NPFFR1: variants seen among roughly 807,000 people sequenced by gnomAD.
NPFFR1 encodes neuropeptide FF receptor 1.
In NPFFR1, 17 loss-of-function variants were observed where a neutral mutation model predicts 12.7. The observed-to-expected ratio is 1.34, with a 90% confidence interval of 0.92 to 2.01. The LOEUF (loss-of-function observed/expected upper bound fraction) is 2.01, where lower values mean the gene tolerates loss of function less well. Ranked by LOEUF, NPFFR1 falls within the 30% of genes most tolerant of loss-of-function variation. The pLI is 0.00. For synonymous variants in NPFFR1, 296 were observed against 264.5 expected (o/e 1.12, Z -1.16); for missense variants, 604 against 606.5 (o/e 1.00, Z 0.04).
At chr10:70,282,879 G>A (rs532458739) in intron 1 of NPFFR1, among the ~76,000 whole-genome samples, 4 of 152,238 alleles carry the variant, frequency 2.6e-5, no homozygotes, top group African/African-American at 9.6e-5. Context: ...GCCTTGGTCC[G>A]CTATCCCTTA....
intron 3 of NPFFR1, among the ~76,000 whole-genome samples, chr10:70,257,592 G>A (rs1840585094): frequency 6.6e-6 from 1 of 152,230 alleles, no homozygotes; most frequent in South Asian, 2.1e-4. Flanking sequence ...TCTGAAATAT[G>A]GCCTCATGGG....
intron 2 of NPFFR1, among the ~76,000 whole-genome samples, chr10:70,261,804 T>C (rs1218577570): frequency 6.6e-6 from 1 of 152,150 alleles, no homozygotes; most frequent in East Asian, 1.9e-4. Context: ...TTGTTTGAGA[T>C]AGGGTCTCGC....
chr10:70,258,028 A>C (rs536233052), intron 3 of NPFFR1, among the ~76,000 whole-genome samples: 1 of 129,940 alleles, frequency 7.7e-6, no homozygotes, highest in East Asian at 2.5e-4. Context: ...GAAATAATGA[A>C]AATAATAATA....
At position 70,254,869 on chromosome 10, in the gene NPFFR1, C is replaced by T; in HGVS notation, c.*88G>A. On this transcript the variant is annotated 3_prime_UTR_variant, in exon 4 of 4. Coordinates refer to ENST00000277942, the MANE Select transcript of NPFFR1 (RefSeq NM_022146.5). ...TGGAGAGGGAGGGACCACGCATCCT[C>T]ACCTAACCACACCAGGCCGCTATCG... 1.5e-6 allele frequency: 2 copies of T among 1,338,338 alleles called. No individual in the cohort carries two copies. The highest frequency in any genetic ancestry group is 2.0e-4 in the Middle Eastern group (1 of 5,004). 82.9% of individuals were successfully genotyped at this position (1,338,338 alleles called of 1,614,324 possible).
chr10:70,255,538 G>A lies in NPFFR1; in HGVS notation c.712C>T (p.Arg238Cys). The change falls in exon 4 of 4, where the codon CGC becomes TGC. Residue 238 changes from arginine (R) to cysteine (C), a missense_variant. Coordinates refer to ENST00000277942, the MANE Select transcript of NPFFR1 (RefSeq NM_022146.5). The surrounding 1 kb of genome is among the most constrained non-coding windows in gnomAD (Gnocchi z 4.2). ...GCCTGGCAGAGCTTGCGCGCGATGC[G>A]GGCGTACATGACCACGATGAGCGCC... ...PLALIVVMYARIARKLCQAPG... is the reference protein window; with the variant it reads ...PLALIVVMYACIARKLCQAPG... 3 of 1,549,698 alleles carry A rather than the reference G, an allele frequency of 1.9e-6. No individual in the cohort carries two copies. Among genetic ancestry groups the A allele is most frequent in the East Asian group, 2.4e-5 (1 of 40,868 alleles).
At chr10:70,268,975 GA>G (rs752609814) in intron 1 of NPFFR1, among the ~76,000 whole-genome samples, 102 of 152,186 alleles carry the variant, frequency 6.7e-4, no homozygotes, top group Non-Finnish European at 1.2e-3. Context: ...ACGTGATGCT[GA>G]AGTCTCTTTT....
intron 1 of NPFFR1, among the ~76,000 whole-genome samples, chr10:70,273,281 G>A (rs1228058484): frequency 1.3e-5 from 2 of 152,114 alleles, no homozygotes; most frequent in African/African-American, 4.8e-5. Context: ...ATGTGTAGCC[G>A]GATTTGAGAA....
chr10:70,281,964 T>A (rs1840867227), intron 1 of NPFFR1, among the ~76,000 whole-genome samples: 1 of 152,194 alleles, frequency 6.6e-6, no homozygotes, highest in South Asian at 2.1e-4. Flanking sequence ...TTAATAGAGG[T>A]CAAAACTAAT....
chr10:70,255,699 C>A lies in NPFFR1; in HGVS notation c.551G>T (p.Arg184Leu), dbSNP rs761856513. The A allele has an allele frequency of 5.6e-6, 9 of 1,606,502 alleles. No individual in the cohort carries two copies. In the East Asian group the frequency reaches 9.0e-5, roughly 16 times the overall value. ...CPSAVTLTVT[R>L]EEHHFMVDAR... The stretch of plus-strand genomic sequence containing the variant: ...GTCCACCATGAAGTGGTGCTCCTCA[C>A]GGGTGACGGTCAGCGTGACGGCCGA... Residue 184 changes from arginine to leucine, a missense_variant, in exon 4 of 4, where the codon CGT (arginine) becomes CTT (leucine). Physicochemically the swap from Arg to Leu is moderately radical, Grantham distance 102 (BLOSUM62 -2). Transcript: ENST00000277942. This position sits in a 1 kb window ranked among gnomAD's most constrained non-coding sequence, Gnocchi z 4.2.
chr10:70,273,788 T>C (rs1840773949), intron 1 of NPFFR1, among the ~76,000 whole-genome samples: 1 of 152,068 alleles, frequency 6.6e-6, no homozygotes, highest in African/African-American at 2.4e-5. Flanking sequence ...GGATTCCCAG[T>C]GTTGGTTAGG....
At chr10:70,260,833 G>T in intron 2 of NPFFR1, 94 bp from the exon 3 acceptor site, 2 of 1,088,722 alleles carry the variant, frequency 1.8e-6, no homozygotes, top group Non-Finnish European at 2.7e-6. Flanking sequence ...TCTGAGCTTG[G>T]ATCTTTCCTC....
intron 1 of NPFFR1, among the ~76,000 whole-genome samples, chr10:70,266,991 T>C (rs57147717): frequency 0.1 from 15,295 of 152,234 alleles, 888 homozygotes; most frequent in Middle Eastern, 0.17. Context: ...TGGTTGTGAG[T>C]CCCTGGGTGC....
At position 70,252,028 on chromosome 10, in the gene NPFFR1, G is replaced by A. The variant is rs1053042435; in HGVS notation, c.*2929C>T. 2.6e-5 allele frequency: 4 copies of A among 152,216 alleles called. No individual in the cohort carries two copies. Among genetic ancestry groups the A allele is most frequent in the Non-Finnish European group, 5.9e-5 (4 of 68,032 alleles). 9.4% of individuals were successfully genotyped at this position (152,216 alleles called of 1,614,324 possible). ...GGAGAGACCCTGGTTCCCAACCTGG[G>A]GTCTCTGTCCTCAGGATTCACACAG... On this transcript the variant is annotated 3_prime_UTR_variant, in exon 4 of 4. Coordinates refer to ENST00000277942, the MANE Select transcript of NPFFR1 (RefSeq NM_022146.5).
At chr10:70,272,049 G>A (rs1054837024) in intron 1 of NPFFR1, among the ~76,000 whole-genome samples, 2 of 151,616 alleles carry the variant, frequency 1.3e-5, no homozygotes, top group Admixed American at 6.6e-5. Context: ...CCCAGGAGGT[G>A]GAGGTTGCAA....
chr10:70,277,593 C>A (rs181671895), intron 1 of NPFFR1, among the ~76,000 whole-genome samples: 82 of 152,354 alleles, frequency 5.4e-4, no homozygotes, highest in African/African-American at 2.0e-3. Context: ...CCAGTGACCC[C>A]CTTCCGTACA....
In NPFFR1 at chr10:70,283,743, G is replaced by T; in HGVS notation, c.-67C>A. 3 of 1,512,686 alleles carry T rather than the reference G, an allele frequency of 2.0e-6. No individual in the cohort carries two copies. The highest frequency in any genetic ancestry group is 1.2e-5 in the South Asian group (1 of 83,416). 93.7% of individuals were successfully genotyped at this position (1,512,686 alleles called of 1,614,324 possible). A position where few individuals can be genotyped will look rare whatever the true frequency, so the allele number is the denominator to read the frequency against. Reference sequence around the variant, plus strand: ...AGGCAGCGGGCCCCTTCGGGCCAGCGGGCAGAGGGACGGTCTCCGGGCACT... The same window carrying T: ...AGGCAGCGGGCCCCTTCGGGCCAGCTGGCAGAGGGACGGTCTCCGGGCACT... On this transcript the variant is annotated 5_prime_UTR_variant, in exon 1 of 4. Transcript: ENST00000277942.
In NPFFR1 at chr10:70,255,137, C is replaced by T; in HGVS notation, c.1113G>A (p.Arg371=). 1 of 1,526,344 alleles carries T rather than the reference C, an allele frequency of 6.6e-7. No homozygotes were observed. Among genetic ancestry groups the T allele is most frequent in the Non-Finnish European group, 8.8e-7 (1 of 1,138,662 alleles). The allele number at this position is 1,526,344 out of a possible 1,614,324, so 94.6% of individuals were successfully genotyped here. The part of the protein sequence containing the change: ...SERPGGLLHR[R]VFVVVRPSDS... ...CGCTGGGCCGCACCACCACGAAGAC[C>T]CGCCTGTGCAGAAGCCCGCCGGGCC... Residue 371 remains arginine (R), a synonymous_variant, in exon 4 of 4, where the codon CGG becomes CGA. Transcript: ENST00000277942. The surrounding 1 kb of genome is among the most constrained non-coding windows in gnomAD (Gnocchi z 4.2).
chr10:70,270,123 G>T (rs904881776), intron 1 of NPFFR1, among the ~76,000 whole-genome samples: 1 of 152,196 alleles, frequency 6.6e-6, no homozygotes, highest in South Asian at 2.1e-4. Flanking sequence ...CTTGTTGGTG[G>T]CAGTGTCCTC....
Position 70,259,283 on chromosome 10 carries a change from C to T in NPFFR1, c.422+1357G>A, listed in dbSNP as rs1482656840. Among the ~76,000 whole-genome samples the T allele has an allele frequency of 1.3e-4, 19 of 149,098 alleles. No individual in the cohort carries two copies. The South Asian group carries it at 3.0e-3, about 23-fold the overall frequency. ...TGGGTGACAGAGCAAGACTCTGTCT[C>T]CCCCCTCAAAAAAAAAAAAGAAAGA... On this transcript the variant is annotated intron_variant, in intron 3 of 3. Coordinates refer to ENST00000277942, the MANE Select transcript of NPFFR1 (RefSeq NM_022146.5).
Sources: gnomAD v4.1 joint callset for allele counts (sites outside exome capture counted in the v4.1 genomes callset) on GRCh38, gnomAD v4.1.1 for gene constraint, Gnocchi (gnomAD v3.1) non-coding constraint, MANE v1.5 for transcripts, NCBI Gene and HGNC (gene_info 2026-07-23, HGNC 2026-07-21) for gene names.